The following ASTN1 variants were observed in gnomAD, a reference collection of about 807,000 sequenced individuals.
ASTN1 encodes the protein astrotactin-1.
Under a neutral mutation model 140.7 loss-of-function variants are expected in ASTN1, and 41 were observed. The ratio of observed to expected loss-of-function variants is 0.29; its 90% CI spans 0.23 to 0.38. The LOEUF (loss-of-function observed/expected upper bound fraction) is 0.38. ASTN1 is among the 10% of genes least tolerant of loss of function. The pLI, the probability that ASTN1 is intolerant of heterozygous loss-of-function variation, is 1.00. For missense variants in ASTN1, 1,479 were observed against 1,678.8 expected (o/e 0.88, Z 2.08); for synonymous variants, 640 against 652.2 (o/e 0.98, Z 0.29).
chr1:176,896,248 A>G (rs940092201), intron 16 of ASTN1, among the ~76,000 whole-genome samples: 1 of 152,216 alleles, frequency 6.6e-6, no homozygotes, highest in African/African-American at 2.4e-5. Flanking sequence ...GACTATAAAT[A>G]TGGCATATAA....
At chr1:177,024,763 T>C in intron 5 of ASTN1, 31 bp from the exon 6 acceptor site, 17 of 1,600,548 alleles carry the variant, frequency 1.1e-5, no homozygotes, top group Non-Finnish European at 1.5e-5. Flanking sequence ...AGATACATGG[T>C]GGTAAAAAGC....
At chr1:176,904,511 T>C (rs1338968665) in intron 16 of ASTN1, among the ~76,000 whole-genome samples, 1 of 150,934 alleles carries the variant, frequency 6.6e-6, no homozygotes, top group Non-Finnish European at 1.5e-5. Flanking sequence ...GAGGCGAAAA[T>C]GAGGAACACC....
chr1:177,058,325 C>G (rs1345583135), intron 2 of ASTN1, among the ~76,000 whole-genome samples: 2 of 152,174 alleles, frequency 1.3e-5, no homozygotes, highest in Non-Finnish European at 2.9e-5. Flanking sequence ...CAACACAAAT[C>G]TTTTGCACCC....
intron 16 of ASTN1, among the ~76,000 whole-genome samples, chr1:176,908,925 A>T (rs1453035475): frequency 2.0e-5 from 3 of 152,262 alleles, no homozygotes; most frequent in Non-Finnish European, 4.4e-5. Flanking sequence ...TGTAGGCTTC[A>T]CGTCTGCAAG....
chr1:176,975,370 T>C lies in ASTN1; in HGVS notation c.1524-10133A>G, dbSNP rs796847050. On this transcript the variant is annotated intron_variant, in intron 8 of 22. Transcript: ENST00000361833. ...TGCTAGTAAGGGGCAGAGGGGAGGA[T>C]TGTCACGGAGCACTATCCTGGGATT... Among the ~76,000 whole-genome samples, 16 of 152,262 alleles carry C rather than the reference T, an allele frequency of 1.1e-4. 1 individual carries two copies. The highest frequency in any genetic ancestry group is 3.9e-4 in the African/African-American group (16 of 41,554).
chr1:177,126,665 A>T (rs750562723), intron 1 of ASTN1, among the ~76,000 whole-genome samples: 6 of 152,196 alleles, frequency 3.9e-5, no homozygotes, highest in Admixed American at 1.3e-4. Context: ...ATACTAAGTG[A>T]CTTGCTAAGT....
intron 16 of ASTN1, among the ~76,000 whole-genome samples, chr1:176,897,570 G>C (rs1242668854): frequency 2.7e-5 from 4 of 149,240 alleles, no homozygotes; most frequent in Non-Finnish European, 5.9e-5. Flanking sequence ...TGAGCGGGAG[G>C]AAAAAAAAAT....
intron 22 of ASTN1, among the ~76,000 whole-genome samples, chr1:176,868,121 T>C (rs1668195917): frequency 6.6e-6 from 1 of 152,226 alleles, no homozygotes; most frequent in Non-Finnish European, 1.5e-5. Flanking sequence ...AAAATCCTTT[T>C]TATCATATCT....
chr1:177,059,252 C>T (rs1472096141), intron 2 of ASTN1, among the ~76,000 whole-genome samples: 1 of 151,960 alleles, frequency 6.6e-6, no homozygotes, highest in East Asian at 1.9e-4. Flanking sequence ...ACCATTGTGC[C>T]CTTCTTTTTA....
chr1:177,078,810 T>C (rs1261823393), intron 1 of ASTN1, among the ~76,000 whole-genome samples: 1 of 152,172 alleles, frequency 6.6e-6, no homozygotes, highest in African/African-American at 2.4e-5. Context: ...AAAGATTTTC[T>C]TTTGCCCACT....
intron 17 of ASTN1, among the ~76,000 whole-genome samples, chr1:176,891,478 A>G (rs1014715084): frequency 2.6e-5 from 4 of 152,288 alleles, no homozygotes; most frequent in African/African-American, 9.6e-5. Context: ...AGCTGCGATA[A>G]TAGGTGATGC....
chr1:177,034,450 T>A (rs1676612007), intron 2 of ASTN1, among the ~76,000 whole-genome samples: 1 of 152,192 alleles, frequency 6.6e-6, no homozygotes, highest in South Asian at 2.1e-4. Flanking sequence ...GTGCAAGCTC[T>A]TATGCAAGTA....
At position 177,006,202 on chromosome 1, in the gene ASTN1, C is replaced by CA. The variant is rs1432316219; in HGVS notation, c.1523+8588dup. On this transcript the variant is annotated intron_variant, in intron 8 of 22. Transcript: ENST00000361833. ...AAGTTTTGAGAAAAATAATGTATCA[C>CA]AAACATACTTTTAATGCTTCTTTAT... Among the ~76,000 whole-genome samples the CA allele has an allele frequency of 2.6e-5, 4 of 152,210 alleles. No homozygotes were observed. The East Asian group carries it at 7.7e-4, about 29-fold the overall frequency.
chr1:177,128,444 TTC>T (rs1681778974), intron 1 of ASTN1, among the ~76,000 whole-genome samples: 1 of 152,226 alleles, frequency 6.6e-6, no homozygotes, highest in Non-Finnish European at 1.5e-5. Flanking sequence ...CTCCATATAT[TTC>T]TTTCAAAAGT....
chr1:176,871,418 C>T (rs747060246), intron 21 of ASTN1, among the ~76,000 whole-genome samples: 1 of 152,172 alleles, frequency 6.6e-6, no homozygotes, highest in African/African-American at 2.4e-5. Context: ...TAAGAAAGAA[C>T]AGTCCACACG....
chr1:176,880,262 C>T (rs1209589298), intron 20 of ASTN1, among the ~76,000 whole-genome samples: 4 of 152,150 alleles, frequency 2.6e-5, no homozygotes, highest in Non-Finnish European at 5.9e-5. Context: ...AGGCCTGAAA[C>T]TTGATGTGAG....
intron 9 of ASTN1, 50 bp from the exon 10 acceptor site, chr1:176,958,532 C>T: frequency 6.4e-7 from 1 of 1,552,946 alleles, no homozygotes; most frequent in Non-Finnish European, 8.7e-7. Flanking sequence ...CATAACCACT[C>T]ACCACTGGGG....
intron 16 of ASTN1, among the ~76,000 whole-genome samples, chr1:176,918,306 A>G (rs922725844): frequency 3.3e-5 from 5 of 152,112 alleles, no homozygotes; most frequent in African/African-American, 1.2e-4. Context: ...AGTTGAATTC[A>G]CCAGAACTCA....
rs1340092240 is a variant in ASTN1, at chr1:176,983,341, G to T, written c.1524-18104C>A. On this transcript the variant is annotated intron_variant, in intron 8 of 22. Coordinates refer to ENST00000361833, the MANE Select transcript of ASTN1 (RefSeq NM_004319.3). ...CTCCCTTCCCTGCCTCGCAGCCACA[G>T]CCTCCCCCTGAAAATTATCACAAGT... is the stretch of plus-strand genomic sequence containing the variant. Among the ~76,000 whole-genome samples, 3 of 152,060 alleles carry T rather than the reference G, an allele frequency of 2.0e-5. No homozygotes were observed. The East Asian group carries it at 5.8e-4, about 29-fold the overall frequency.
Sources: allele counts gnomAD v4.1 joint callset (sites outside exome capture counted in the v4.1 genomes callset), GRCh38; gene constraint gnomAD v4.1.1; transcripts MANE v1.5; gene names NCBI Gene and HGNC (gene_info 2026-07-23, HGNC 2026-07-21).